The following MAOB variants were observed in gnomAD, a reference collection of about 807,000 sequenced individuals.
The protein encoded by MAOB is monoamine oxidase B, also known as amine oxidase [flavin-containing] B.
A neutral mutation model predicts 41.9 loss-of-function variants in MAOB; 15 were observed. That is an observed-to-expected ratio of 0.36 (90% CI 0.24 to 0.55). The LOEUF (loss-of-function observed/expected upper bound fraction) is 0.55, where lower values mean the gene tolerates loss of function less well. MAOB is among the 20% of genes least tolerant of loss of function. MAOB has a pLI of 0.86. For missense variants in MAOB, 345 were observed against 398.7 expected, an observed-to-expected ratio of 0.87 and a Z score of 1.15; for synonymous variants, 167 against 144.2, an observed-to-expected ratio of 1.16 and a Z score of -1.13.
chrX:43,843,664 C>T lies in MAOB; in HGVS notation c.141+6G>A. On this transcript the variant is annotated splice_donor_region_variant and intron_variant, in intron 2 of 14. Transcript: ENST00000378069. ...ACATTTGTCCTCCGGATTCTTAATG[C>T]CTTACCCTAAGAGTGTAAGTCCTGC... 8.3e-7 allele frequency: 1 copy of T among 1,205,009 alleles called. No individual in the cohort carries two copies. The highest frequency in any genetic ancestry group is 1.1e-6 in the Non-Finnish European group (1 of 891,449).
At chrX:43,831,775 T>C (rs1602012343) in intron 3 of MAOB, among the ~76,000 whole-genome samples, 1 of 111,550 alleles carries the variant, frequency 9.0e-6, no homozygotes, top group Non-Finnish European at 1.9e-5. Context: ...GAGATATTAG[T>C]TCCTGAGGGA....
intron 2 of MAOB, among the ~76,000 whole-genome samples, chrX:43,843,067 C>T (rs1437374357): frequency 1.8e-5 from 2 of 110,516 alleles, no homozygotes; most frequent in East Asian, 5.6e-4. Flanking sequence ...AATGTATCAC[C>T]ACAAAAAATG....
intron 1 of MAOB, 74 bp downstream of exon 1, chrX:43,882,179 GC>G (rs941674809): frequency 2.5e-6 from 3 of 1,176,910 alleles, no homozygotes; most frequent in Non-Finnish European, 1.1e-6. Context: ...CCCCACGGCC[GC>G]CCCCCGCGTC....
At chrX:43,838,381 G>A (rs2035094837) in intron 3 of MAOB, among the ~76,000 whole-genome samples, 1 of 111,721 alleles carries the variant, frequency 9.0e-6, no homozygotes, top group Non-Finnish European at 1.9e-5. Flanking sequence ...TGCAAAAGAC[G>A]GGATCTGGGA....
chrX:43,793,412 TACTC>T lies in MAOB; in HGVS notation c.928+3_928+6del. 1.7e-6 allele frequency: 2 copies of T among 1,175,715 alleles called. No homozygotes were observed. Among genetic ancestry groups the T allele is most frequent in the Non-Finnish European group, 2.3e-6 (2 of 874,428 alleles). ...TCTAAAGGTTTTTATATAAGGAAAG[TACTC>T]ACCCTTTTTCCTCCAGAAAGGCTCT... On this transcript the variant is annotated splice_donor_5th_base_variant and intron_variant, in intron 8 of 14. Transcript: ENST00000378069.
chrX:43,815,455 T>C (rs2034799314), intron 3 of MAOB, among the ~76,000 whole-genome samples: 1 of 111,887 alleles, frequency 8.9e-6, no homozygotes, highest in East Asian at 2.8e-4. Flanking sequence ...TGTCAGCTTT[T>C]CCAGGAGAAA....
chrX:43,879,644 T>C (rs1381447464), intron 1 of MAOB, among the ~76,000 whole-genome samples: 1 of 111,615 alleles, frequency 9.0e-6, no homozygotes, highest in Non-Finnish European at 1.9e-5. Flanking sequence ...CATATCCCTC[T>C]TTTTGCTAAT....
chrX:43,809,126 G>A (rs2034710032), intron 3 of MAOB, among the ~76,000 whole-genome samples: 1 of 111,188 alleles, frequency 9.0e-6, no homozygotes, highest in African/African-American at 3.3e-5. Context: ...GGTGGGAAGG[G>A]GCCCCTTCCA....
intron 1 of MAOB, among the ~76,000 whole-genome samples, chrX:43,854,622 T>C (rs2035276731): frequency 9.0e-6 from 1 of 111,616 alleles, no homozygotes; most frequent in African/African-American, 3.3e-5. Flanking sequence ...GGCATATGTA[T>C]ACCTATGTAA....
At chrX:43,810,300 G>A (rs775913677) in intron 3 of MAOB, among the ~76,000 whole-genome samples, 11 of 102,821 alleles carry the variant, frequency 1.1e-4, no homozygotes, top group Admixed American at 9.6e-4. Flanking sequence ...TTGATTTACA[G>A]TAGCTGCCAT....
chrX:43,829,185 C>T (rs1360524476), intron 3 of MAOB, among the ~76,000 whole-genome samples: 1 of 112,249 alleles, frequency 8.9e-6, no homozygotes, highest in Non-Finnish European at 1.9e-5. Context: ...AGTTCTTTTG[C>T]TCAGAATTTT....
At chrX:43,783,626 T>C (rs1200596098) in intron 8 of MAOB, among the ~76,000 whole-genome samples, 3 of 112,207 alleles carry the variant, frequency 2.7e-5, no homozygotes, top group Non-Finnish European at 5.6e-5. Flanking sequence ...CTAACAATCA[T>C]CTGAGCCTTT....
chrX:43,840,011 G>T (rs767226505), intron 2 of MAOB, among the ~76,000 whole-genome samples: 34 of 112,059 alleles, frequency 3.0e-4, no homozygotes, highest in Non-Finnish European at 2.4e-4. Context: ...GATTGGAGTA[G>T]GAAGGGATGA....
chrX:43,817,622 C>T (rs1037497332), intron 3 of MAOB, among the ~76,000 whole-genome samples: 5 of 111,849 alleles, frequency 4.5e-5, no homozygotes, highest in African/African-American at 1.6e-4. Context: ...ACACAAACTC[C>T]AAAGTCCTTT....
chrX:43,882,441 C>G lies in MAOB; in HGVS notation c.-142G>C. ...CCCCGTGCACCAGCGCCTCGGCGAG[C>G]CGCTATATTACCAGCCCCGGGAGCC... On this transcript the variant is annotated 5_prime_UTR_variant, in exon 1 of 15. Coordinates refer to ENST00000378069, the MANE Select transcript of MAOB (RefSeq NM_000898.5). 9.9e-6 allele frequency: 10 copies of G among 1,009,608 alleles called. No homozygotes were observed. The highest frequency in any genetic ancestry group is 1.3e-5 in the Non-Finnish European group (10 of 794,594). 83.2% of individuals were successfully genotyped at this position (1,009,608 alleles called of 1,213,427 possible).
chrX:43,861,140 A>G (rs1315785717), intron 1 of MAOB, among the ~76,000 whole-genome samples: 1 of 112,417 alleles, frequency 8.9e-6, no homozygotes. Context: ...GAAAGCAGAG[A>G]TCTTGCGTGT....
intron 11 of MAOB, among the ~76,000 whole-genome samples, chrX:43,776,422 T>C (rs2034256846): frequency 8.9e-6 from 1 of 112,308 alleles, no homozygotes; most frequent in South Asian, 3.7e-4. Flanking sequence ...CCCCTTCAAC[T>C]GAAGTTCCCC....
At chrX:43,791,716 C>T (rs1163269855) in intron 8 of MAOB, among the ~76,000 whole-genome samples, 2 of 110,034 alleles carry the variant, frequency 1.8e-5, no homozygotes, top group South Asian at 4.0e-4. Flanking sequence ...AAGATCGCAC[C>T]ACTGCACTCC....
At chrX:43,819,094 C>T (rs1035382752) in intron 3 of MAOB, among the ~76,000 whole-genome samples, 2 of 111,708 alleles carry the variant, frequency 1.8e-5, no homozygotes, top group African/African-American at 6.5e-5. Flanking sequence ...TGGCAAGGTC[C>T]GCAAAAGCCC....
Sources: allele counts gnomAD v4.1 joint callset (sites outside exome capture counted in the v4.1 genomes callset), GRCh38; gene constraint gnomAD v4.1.1; transcripts MANE v1.5; gene names NCBI Gene and HGNC (gene_info 2026-07-23, HGNC 2026-07-21).